Variants in CCDC15 observed in about 807,000 individuals in gnomAD.
CCDC15 encodes coiled-coil domain containing 15.
A neutral mutation model predicts 114.5 loss-of-function variants in CCDC15; 105 were observed. The ratio of observed to expected loss-of-function variants is 0.92; its 90% CI spans 0.78 to 1.08. CCDC15 has a LOEUF of 1.08. Among genes scored for constraint, CCDC15 ranks in the 50% least tolerant of loss-of-function variants. CCDC15 has a pLI of 0.00. For synonymous variants in CCDC15, 334 were observed against 377.8 expected (o/e 0.88, Z 1.34); for missense variants, 1,105 against 1,093.6 (o/e 1.01, Z -0.15).
rs780655170 is a variant in CCDC15 at position 124,987,356 on chromosome 11, T to C, written c.1130T>C (p.Ile377Thr). Residue 377 changes from isoleucine to threonine, a missense_variant, in exon 8 of 16, where the codon ATT (isoleucine) becomes ACT (threonine). Coordinates refer to ENST00000344762, the MANE Select transcript of CCDC15 (RefSeq NM_025004.3). Reference sequence around the variant, plus strand: ...GTTACTGAGCCAGAAGGCCAGGCCATTGAGCCAGAAGGCCAGCCTATTAAG... The same window carrying C: ...GTTACTGAGCCAGAAGGCCAGGCCACTGAGCCAGAAGGCCAGCCTATTAAG... The part of the protein sequence containing the change: ...VQVTEPEGQA[I>T]EPEGQPIKTE... The C allele has an allele frequency of 3.7e-6, 6 of 1,613,578 alleles. No individual in the cohort carries two copies. The African/African-American group carries it at 5.3e-5, about 14-fold the overall frequency.
chr11:125,010,442 A>G (rs1948582245), intron 13 of CCDC15, among the ~76,000 whole-genome samples: 2 of 151,178 alleles, frequency 1.3e-5, no homozygotes, highest in Non-Finnish European at 1.5e-5. Context: ...AGCTCACTGC[A>G]ATGTCTGCCT....
At chr11:124,971,342 A>G (rs956281518) in intron 4 of CCDC15, among the ~76,000 whole-genome samples, 18 of 152,242 alleles carry the variant, frequency 1.2e-4, no homozygotes, top group Non-Finnish European at 1.0e-4. Flanking sequence ...AGAGCAGAAA[A>G]GCTGAAAATT....
At chr11:125,011,281 A>T in intron 13 of CCDC15, among the ~76,000 whole-genome samples, 1 of 148,390 alleles carries the variant, frequency 6.7e-6, no homozygotes, top group African/African-American at 2.5e-5. Context: ...CTTGTCGCCC[A>T]GGCTGGAGTG....
chr11:124,971,702 T>C (rs1591577469), intron 4 of CCDC15, among the ~76,000 whole-genome samples: 1 of 152,182 alleles, frequency 6.6e-6, no homozygotes, highest in Admixed American at 6.5e-5. Context: ...ACAAGTAAAG[T>C]AAATAGTTGC....
chr11:124,988,162 AAAG>A lies in CCDC15; in HGVS notation c.1908+34_1908+36del. The A allele has an allele frequency of 1.9e-6, 3 of 1,580,920 alleles. No individual in the cohort carries two copies. In the South Asian group the frequency reaches 3.5e-5, roughly 19 times the overall value. On this transcript the variant is annotated intron_variant, in intron 8 of 15. Coordinates refer to ENST00000344762, the MANE Select transcript of CCDC15 (RefSeq NM_025004.3). The stretch of plus-strand genomic sequence containing the variant: ...AAAATAGAGCAGAAAGGAGATACAA[AAAG>A]AAGAAATAAGCTACTTAGGGTTTGA...
At chr11:125,000,474 G>T (rs199804013) in intron 11 of CCDC15, among the ~76,000 whole-genome samples, 2 of 152,038 alleles carry the variant, frequency 1.3e-5, no homozygotes, top group East Asian at 3.9e-4. Context: ...CTCTCCATAG[G>T]GGGTAGATCC....
At chr11:125,007,651 T>A (rs571900272) in intron 13 of CCDC15, among the ~76,000 whole-genome samples, 1 of 152,222 alleles carries the variant, frequency 6.6e-6, no homozygotes, top group East Asian at 1.9e-4. Flanking sequence ...TTTTTAGAAA[T>A]CTCCATACCG....
chr11:124,962,280 T>C (rs1947676760), intron 4 of CCDC15, among the ~76,000 whole-genome samples: 3 of 152,236 alleles, frequency 2.0e-5, no homozygotes, highest in Admixed American at 2.0e-4. Flanking sequence ...ACTTTCTGAA[T>C]GTTAGTACAC....
At position 125,011,248 on chromosome 11, in the gene CCDC15, A is replaced by ATTAT. The variant is rs1440220391; in HGVS notation, c.2411+6038_2411+6039insATTT. ...TATTATTATTATTATTATTATTATT[A>ATTAT]TTTTTTAAGATGGAGTTTCACTCTT... On this transcript the variant is annotated intron_variant, in intron 13 of 15. Coordinates refer to ENST00000344762, the MANE Select transcript of CCDC15 (RefSeq NM_025004.3). Among the ~76,000 whole-genome samples, 638 of 147,234 alleles carry ATTAT rather than the reference A, an allele frequency of 4.3e-3. 5 individuals are homozygous for ATTAT. The highest frequency in any genetic ancestry group is 0.015 in the African/African-American group (605 of 39,970).
At chr11:124,979,954 T>C (rs1162796841) in intron 6 of CCDC15, among the ~76,000 whole-genome samples, 2 of 152,190 alleles carry the variant, frequency 1.3e-5, no homozygotes, top group Non-Finnish European at 2.9e-5. Flanking sequence ...TTCAAACAAA[T>C]GCCTCGTTTG....
At chr11:124,999,988 AG>A (rs1191625461) in intron 11 of CCDC15, among the ~76,000 whole-genome samples, 2 of 147,388 alleles carry the variant, frequency 1.4e-5, no homozygotes, top group Non-Finnish European at 3.0e-5. Flanking sequence ...CAGCCTCCCT[AG>A]TAGCTGGGAT....
At chr11:125,007,886 C>T (rs902965715) in intron 13 of CCDC15, among the ~76,000 whole-genome samples, 3 of 152,184 alleles carry the variant, frequency 2.0e-5, no homozygotes, top group African/African-American at 7.2e-5. Flanking sequence ...CAGGCCTGTC[C>T]TCAGGTCGTT....
Position 125,003,898 on chromosome 11 carries a change from C to T in CCDC15, c.2246C>T (p.Thr749Ile). The change falls in exon 12 of 16, where the codon ACT (threonine) becomes ATT (isoleucine). Residue 749 changes from threonine to isoleucine, a missense_variant. Thr to Ile is a moderately conservative substitution (Grantham distance 89, BLOSUM62 -1). Coordinates refer to ENST00000344762, the MANE Select transcript of CCDC15 (RefSeq NM_025004.3). ...GATAGGTATCAATCAGGATTGAGCA[C>T]TGAATTCCAAGCTCCACTGGCATTT... ...AYDRYQSGLS[T>I]EFQAPLAFQS... 1 of 1,565,332 alleles carries T rather than the reference C, an allele frequency of 6.4e-7. No individual in the cohort carries two copies. The highest frequency in any genetic ancestry group is 8.6e-7 in the Non-Finnish European group (1 of 1,161,826).
At position 125,040,635 on chromosome 11, in the gene CCDC15, C is replaced by T; in HGVS notation, c.2780C>T (p.Pro927Leu). The stretch of plus-strand genomic sequence containing the variant: ...TCATTCATCAATTCCTGTGATGTCC[C>T]TGGGGGTAATTCAACTCTTCGAGTC... ...LHSFINSCDVPGGNSTLRVAI... is the reference protein window; with the variant it reads ...LHSFINSCDVLGGNSTLRVAI... Residue 927 changes from proline to leucine, a missense_variant, in exon 16 of 16, where the codon CCT becomes CTT. Coordinates refer to ENST00000344762, the MANE Select transcript of CCDC15 (RefSeq NM_025004.3). 1 of 1,611,570 alleles carries T rather than the reference C, an allele frequency of 6.2e-7. No homozygotes were observed. Among genetic ancestry groups the T allele is most frequent in the African/African-American group, 1.3e-5 (1 of 74,978 alleles).
chr11:124,968,409 G>A (rs1339261193), intron 4 of CCDC15, among the ~76,000 whole-genome samples: 5 of 152,278 alleles, frequency 3.3e-5, no homozygotes, highest in African/African-American at 7.2e-5. Context: ...GTTTAATCTC[G>A]GACTGCTGCG....
At chr11:125,016,602 T>C (rs1948630748) in intron 13 of CCDC15, among the ~76,000 whole-genome samples, 3 of 152,216 alleles carry the variant, frequency 2.0e-5, no homozygotes, top group African/African-American at 4.8e-5. Flanking sequence ...ATCTTTTAGC[T>C]GTAATTGTGA....
chr11:124,960,101 A>G (rs1947632246), intron 4 of CCDC15, 98 bp downstream of exon 4: 8 of 809,312 alleles, frequency 9.9e-6, no homozygotes, highest in Admixed American at 3.9e-5. Context: ...ATTAAGAGTT[A>G]TCACACTCAG....
At chr11:124,993,031 C>T (rs1368558683) in intron 10 of CCDC15, 138 bp from the exon 11 acceptor site, 8 of 525,506 alleles carry the variant, frequency 1.5e-5, no homozygotes, top group Non-Finnish European at 2.3e-5. Flanking sequence ...TTATGTTGAA[C>T]ACACACACAG....
rs1051204353 is a variant in CCDC15, at chr11:125,004,019, A to G, written c.2307+60A>G. Reference sequence around the variant, plus strand: ...TCTACTATGATAGTATTAATATATGAGAAATTGGAAACAATTTGTTGTGTC... The same window carrying G: ...TCTACTATGATAGTATTAATATATGGGAAATTGGAAACAATTTGTTGTGTC... On this transcript the variant is annotated intron_variant, in intron 12 of 15. Transcript: ENST00000344762. 6 of 860,134 alleles carry G rather than the reference A, an allele frequency of 7.0e-6. No homozygotes were observed. In the African/African-American group the frequency reaches 9.0e-5, roughly 13 times the overall value. 53.3% of individuals were successfully genotyped at this position (860,134 alleles called of 1,614,324 possible).
Sources: gnomAD v4.1 joint callset for allele counts (sites outside exome capture counted in the v4.1 genomes callset) on GRCh38, gnomAD v4.1.1 for gene constraint, MANE v1.5 for transcripts, NCBI Gene and HGNC (gene_info 2026-07-23, HGNC 2026-07-21) for gene names.